The following SUV39H1 variants were observed in gnomAD, a reference collection of about 807,000 sequenced individuals.
The protein encoded by SUV39H1 is SUV39H1 histone lysine methyltransferase, also known as histone-lysine N-methyltransferase SUV39H1.
For synonymous variants in SUV39H1, 141 were observed against 150.5 expected, an observed-to-expected ratio of 0.94 and a Z score of 0.46; for missense variants, 180 against 386.3, an observed-to-expected ratio of 0.47 and a Z score of 4.48.
Position 48,698,516 on chromosome X carries a change from G to A in SUV39H1, c.20-386G>A, listed in dbSNP as rs782118929. ...CCCATCCGCCCCACCTCGGGGCACT[G>A]CATCCTACTGAGATGGGGGGTTGTT... On this transcript the variant is annotated intron_variant, in intron 1 of 5. Transcript: ENST00000376687. Among the ~76,000 whole-genome samples, 34 of 111,720 alleles carry A rather than the reference G, an allele frequency of 3.0e-4. No homozygotes were observed. The South Asian group carries it at 0.013, about 42-fold the overall frequency.
intron 1 of SUV39H1, among the ~76,000 whole-genome samples, chrX:48,697,899 A>G (rs987659574): frequency 8.9e-5 from 10 of 112,432 alleles, no homozygotes; most frequent in Non-Finnish European, 1.9e-4. Flanking sequence ...TCCCAGAAAT[A>G]TACCAGGTAT....
At chrX:48,697,635 C>T (rs895608216) in intron 1 of SUV39H1, among the ~76,000 whole-genome samples, 6 of 111,637 alleles carry the variant, frequency 5.4e-5, no homozygotes, top group Admixed American at 9.5e-5. Context: ...GTAGGGCTTG[C>T]ACACGAAATA....
Position 48,706,404 on chromosome X carries a change from A to G in SUV39H1, c.968A>G (p.Asn323Ser). ...TATGGCAACATCTCCCACTTTGTCA[A>G]CCACAGTGTGGGTACCCCCGGCAGG... ...AYYGNISHFV[N>S]HSCDPNLQVY... The change falls in exon 4 of 6, where the codon AAC (asparagine) becomes AGC (serine). Residue 323 changes from asparagine (N) to serine (S), a missense_variant. Transcript: ENST00000376687. The G allele has an allele frequency of 8.3e-7, 1 of 1,209,801 alleles. No individual in the cohort carries two copies. Among genetic ancestry groups the G allele is most frequent in the Non-Finnish European group, 1.1e-6 (1 of 894,350 alleles).
At chrX:48,695,982 A>C, upstream of SUV39H1, 5 of 1,011,793 alleles carry the variant, frequency 4.9e-6, no homozygotes, top group Non-Finnish European at 6.7e-6. Context: ...TGAGGGAAAG[A>C]CAGTGACCAA....
At chrX:48,702,395 T>C (rs1291293945) in intron 3 of SUV39H1, among the ~76,000 whole-genome samples, 1 of 111,215 alleles carries the variant, frequency 9.0e-6, no homozygotes, top group African/African-American at 3.3e-5. Flanking sequence ...CCCAGAGGGA[T>C]CCGGACAGCC....
At chrX:48,696,650 G>A, upstream of SUV39H1, 1 of 895,824 alleles carries the variant, frequency 1.1e-6, no homozygotes, top group Middle Eastern at 3.4e-4. Context: ...GTTCGGTCAC[G>A]GCTCTCCGGT....
upstream of SUV39H1, chrX:48,696,722 G>C: frequency 2.7e-6 from 3 of 1,122,002 alleles, no homozygotes; most frequent in Non-Finnish European, 2.4e-6. Context: ...TCCCGGCCAC[G>C]CCCGCGCGAG....
At chrX:48,696,917 G>A in intron 1 of SUV39H1, 114 bp downstream of exon 1, 1 of 538,371 alleles carries the variant, frequency 1.9e-6, no homozygotes, top group Non-Finnish European at 2.6e-6. Context: ...GGAGCCGGAA[G>A]CTCGGCGCGG....
chrX:48,699,762 AG>A (rs2062468138), intron 2 of SUV39H1, among the ~76,000 whole-genome samples: 1 of 111,453 alleles, frequency 9.0e-6, no homozygotes, highest in African/African-American at 3.3e-5. Context: ...TGTGAACAAA[AG>A]AGAAGTCAAG....
At chrX:48,696,325 C>T, upstream of SUV39H1, among the ~76,000 whole-genome samples, 1 of 112,302 alleles carries the variant, frequency 8.9e-6, no homozygotes, top group Non-Finnish European at 1.9e-5. Context: ...TCTGACTAGG[C>T]ACCTGTCTGG....
intron 3 of SUV39H1, among the ~76,000 whole-genome samples, chrX:48,704,992 A>G (rs1042107036): frequency 1.9e-4 from 21 of 112,377 alleles, no homozygotes; most frequent in Non-Finnish European, 3.4e-4. Flanking sequence ...GGCAGTGGGT[A>G]GTGTGGCCCG....
upstream of SUV39H1, chrX:48,696,636 A>C: frequency 1.4e-6 from 1 of 734,053 alleles, no homozygotes; most frequent in Non-Finnish European, 1.8e-6. Flanking sequence ...GGCGGCAGGG[A>C]GGGGTTCGGT....
intron 3 of SUV39H1, among the ~76,000 whole-genome samples, chrX:48,701,415 G>A (rs1458891615): frequency 3.6e-5 from 4 of 112,128 alleles, no homozygotes; most frequent in African/African-American, 1.3e-4. Flanking sequence ...GGACACCTAG[G>A]CTCTTTCCCT....
intron 3 of SUV39H1, among the ~76,000 whole-genome samples, chrX:48,702,060 T>C (rs2062476812): frequency 1.8e-5 from 2 of 112,339 alleles, no homozygotes; most frequent in Non-Finnish European, 3.8e-5. Context: ...TAGAACAATC[T>C]ACACCACAGA....
chrX:48,702,837 A>G (rs1557009593), intron 3 of SUV39H1, among the ~76,000 whole-genome samples: 1 of 111,410 alleles, frequency 9.0e-6, no homozygotes, highest in Admixed American at 9.5e-5. Context: ...CAGCACCCTC[A>G]GACCCATGGG....
At chrX:48,699,199 T>C (rs1344898673) in intron 2 of SUV39H1, 152 bp downstream of exon 2, 1 of 563,081 alleles carries the variant, frequency 1.8e-6, no homozygotes, top group Admixed American at 4.8e-5. Context: ...TTTATCCCTA[T>C]GTTACAGATA....
intron 3 of SUV39H1, among the ~76,000 whole-genome samples, chrX:48,705,073 G>T (rs184957998): frequency 1.9e-3 from 214 of 112,347 alleles, no homozygotes; most frequent in African/African-American, 6.7e-3. Flanking sequence ...GCCTTGAGGG[G>T]ACAGCCAGGG....
chrX:48,700,781 T>C (rs1451158177), intron 3 of SUV39H1, 28 bp downstream of exon 3: 1 of 1,196,619 alleles, frequency 8.4e-7, no homozygotes, highest in Admixed American at 2.2e-5. Flanking sequence ...GGTGTGTGTG[T>C]GCAGCTCTTC....
chrX:48,703,400 T>C (rs1481363095), intron 3 of SUV39H1, among the ~76,000 whole-genome samples: 1 of 111,653 alleles, frequency 9.0e-6, no homozygotes, highest in East Asian at 2.8e-4. Context: ...CCATGCTATC[T>C]ACTGTCCTTC....
Sources: allele counts gnomAD v4.1 joint callset (sites outside exome capture counted in the v4.1 genomes callset), GRCh38; gene constraint gnomAD v4.1.1; transcripts MANE v1.5; gene names NCBI Gene and HGNC (gene_info 2026-07-23, HGNC 2026-07-21).